Variants in KLK15 observed in about 807,000 individuals in gnomAD.
The protein encoded by KLK15 is kallikrein related peptidase 15.
A neutral mutation model predicts 21.1 loss-of-function variants in KLK15; 19 were observed. The observed-to-expected ratio is 0.90, with a 90% CI of 0.63 to 1.32. The LOEUF is 1.32. Among genes scored for constraint, KLK15 ranks in the 40% most tolerant of loss-of-function variants. The pLI is 0.00. For missense variants in KLK15, 345 were observed against 348.6 expected (o/e 0.99, Z 0.08); for synonymous variants, 141 against 141.5 (o/e 1.00, Z 0.03).
upstream of KLK15, among the ~76,000 whole-genome samples, chr19:50,832,331 T>TTC (rs2090005108): frequency 1.4e-5 from 2 of 147,778 alleles, no homozygotes; most frequent in Admixed American, 6.7e-5. Context: ...TCTTTTTTTT[T>TTC]TTTTTTTTTG....
chr19:50,829,504 AG>A (rs1189921028), intron 1 of KLK15, among the ~76,000 whole-genome samples: 1 of 151,802 alleles, frequency 6.6e-6, no homozygotes, highest in Non-Finnish European at 1.5e-5. Context: ...TAAATAGTCA[AG>A]GTTGGCCAGG....
At chr19:50,828,118 G>A (rs897987442) in intron 1 of KLK15, among the ~76,000 whole-genome samples, 2 of 151,348 alleles carry the variant, frequency 1.3e-5, no homozygotes, top group Non-Finnish European at 3.0e-5. Flanking sequence ...GCTAATTTTT[G>A]TATTTTTAGT....
chr19:50,832,504 G>A (rs1846583655), upstream of KLK15, among the ~76,000 whole-genome samples: 1 of 148,514 alleles, frequency 6.7e-6, no homozygotes, highest in South Asian at 2.2e-4. Flanking sequence ...TGTAATTTTA[G>A]TAGAGACGGA....
At chr19:50,830,206 G>A (rs1420895545) in intron 1 of KLK15, among the ~76,000 whole-genome samples, 1 of 151,238 alleles carries the variant, frequency 6.6e-6, no homozygotes, top group Non-Finnish European at 1.5e-5. Flanking sequence ...TTATGCTTAA[G>A]GACATGATTA....
At position 50,827,006 on chromosome 19, in the gene KLK15, A is replaced by G. The variant is rs757161167; in HGVS notation, c.353T>C (p.Leu118Pro). ...CACCGCGGGGCGCACCTGGGGGTTC[A>G]GGCGTGCGGGCTGGACTAGGCGCAG... The change falls in exon 3 of 5, where the codon CTG becomes CCG. Residue 118 changes from leucine to proline, a missense_variant. By Grantham distance (98) the Leu-to-Pro change is moderately conservative. Transcript: ENST00000598239. 7 of 1,605,828 alleles carry G rather than the reference A, an allele frequency of 4.4e-6. No homozygotes were observed. In the South Asian group the frequency reaches 7.7e-5, roughly 18 times the overall value.
At chr19:50,833,360 G>C (rs957382116), upstream of KLK15, among the ~76,000 whole-genome samples, 2 of 152,116 alleles carry the variant, frequency 1.3e-5, no homozygotes. Context: ...GCCATTCCAG[G>C]ACATTTTCTT....
In KLK15 at chr19:50,827,165, T is replaced by A; in HGVS notation, c.198-4A>T. ...TCCCAGGCGCACTCTCATGAAGCTG[T>A]GCGGGCGAGTGGTTTTCCCGCCAGT... On this transcript the variant is annotated splice_polypyrimidine_tract_variant and splice_region_variant and intron_variant, in intron 2 of 4. Coordinates refer to ENST00000598239, the Ensembl canonical transcript of KLK15. 1.3e-6 allele frequency: 2 copies of A among 1,566,556 alleles called. No homozygotes were observed. Among genetic ancestry groups the A allele is most frequent in the Non-Finnish European group, 1.7e-6 (2 of 1,160,852 alleles).
upstream of KLK15, chr19:50,833,047 C>G (rs1245638174): frequency 6.6e-6 from 1 of 152,318 alleles, no homozygotes; most frequent in African/African-American, 2.4e-5. Flanking sequence ...GGTGTCTCCC[C>G]TGAATCCCAC....
At position 50,825,838 on chromosome 19, in the gene KLK15, G is replaced by T. The variant is rs1219655417; in HGVS notation, c.729C>A (p.Cys243Ter). Residue 243 changes from cysteine (C) to a stop codon, truncating the protein, a stop_gained, in exon 5 of 5, where the codon TGC (cysteine) becomes TGA (stop). Transcript: ENST00000598239. LOFTEE classifies it high-confidence loss of function. Reference sequence around the variant, plus strand: ...TTTCCCTGATCCACTCCAAGTAGTGGCAGACTTTGGTATAGACACCAGGCT... The same window carrying T: ...TTTCCCTGATCCACTCCAAGTAGTGTCAGACTTTGGTATAGACACCAGGCT... 9.9e-6 allele frequency: 16 copies of T among 1,613,914 alleles called. No homozygotes were observed. In the Admixed American group the frequency reaches 2.5e-4, roughly 25 times the overall value.
chr19:50,827,194 G>A, intron 2 of KLK15, 33 bp from the exon 4 acceptor site: 1 of 1,549,278 alleles, frequency 6.5e-7, no homozygotes, highest in Non-Finnish European at 8.7e-7. Flanking sequence ...CGCCAGTGGA[G>A]TGCGGGCCAG....
In KLK15 at chr19:50,828,781, A is replaced by G. The variant is rs2089928087; in HGVS notation, c.44-966T>C. ...TCAGGAGTTCGAGACCAGCCTGGCC[A>G]ATATGGGGAAACCCTGTCTCTAACA... On this transcript the variant is annotated intron_variant, in intron 1 of 4. Coordinates refer to ENST00000598239, the Ensembl canonical transcript of KLK15. Among the ~76,000 whole-genome samples, 2 of 151,304 alleles carry G rather than the reference A, an allele frequency of 1.3e-5. 1 individual carries two copies. Among genetic ancestry groups the G allele is most frequent in the Non-Finnish European group, 3.0e-5 (2 of 67,648 alleles).
At chr19:50,825,562 A>G (rs1293745920), downstream of KLK15, 3 of 405,636 alleles carry the variant, frequency 7.4e-6, no homozygotes, top group Non-Finnish European at 1.3e-5. Flanking sequence ...GACCCCAGAA[A>G]AAAGTCACAG....
chr19:50,827,212 C>T (rs1179269297), intron 2 of KLK15, 51 bp from the exon 4 acceptor site: 3 of 1,522,466 alleles, frequency 2.0e-6, no homozygotes, highest in Non-Finnish European at 1.8e-6. Context: ...CAGTGGTTAC[C>T]CGCAAGTAGA....
intron 2 of KLK15, 63 bp from the exon 4 acceptor site, chr19:50,827,224 G>A: frequency 6.7e-7 from 1 of 1,492,410 alleles, no homozygotes; most frequent in South Asian, 1.3e-5. Context: ...GCAAGTAGAG[G>A]ACAGAAAGAT....
chr19:50,825,290 C>T (rs139463664), downstream of KLK15: 1 of 152,348 alleles, frequency 6.6e-6, no homozygotes, highest in African/African-American at 2.4e-5. Context: ...GGTATTTACT[C>T]AGTGCCAGAC....
At chr19:50,833,350 G>T (rs1002747901), upstream of KLK15, among the ~76,000 whole-genome samples, 1 of 152,146 alleles carries the variant, frequency 6.6e-6, no homozygotes, top group African/African-American at 2.4e-5. Flanking sequence ...GCTCCTTCTG[G>T]CCATTCCAGG....
At chr19:50,829,646 A>C (rs1215720672) in intron 1 of KLK15, among the ~76,000 whole-genome samples, 2 of 151,734 alleles carry the variant, frequency 1.3e-5, no homozygotes, top group East Asian at 1.9e-4. Flanking sequence ...AAAAATAAAT[A>C]AATAAATAAA....
chr19:50,832,322 C>CTTTCT (rs1555766936), upstream of KLK15, among the ~76,000 whole-genome samples: 93 of 109,428 alleles, frequency 8.5e-4, 1 homozygote, highest in Admixed American at 2.0e-3. Flanking sequence ...CTTTTTTTTT[C>CTTTCT]TTTTTTTTTT....
At chr19:50,831,020 GCC>G (rs2089976460) in intron 1 of KLK15, 1 of 154,554 alleles carries the variant, frequency 6.5e-6, no homozygotes, top group Non-Finnish European at 1.4e-5. Flanking sequence ...TGTGCTGTTG[GCC>G]TCTCAGCACT....
Sources: allele counts gnomAD v4.1 joint callset (sites outside exome capture counted in the v4.1 genomes callset), GRCh38; gene constraint gnomAD v4.1.1; transcripts MANE v1.5; gene names NCBI Gene and HGNC (gene_info 2026-07-23, HGNC 2026-07-21).